The following CILK1 variants were observed in gnomAD, a reference collection of about 807,000 sequenced individuals.
CILK1 encodes ciliogenesis associated kinase 1.
Under a neutral mutation model 79.2 loss-of-function variants are expected in CILK1, and 47 were observed. That is an observed-to-expected ratio of 0.59 (90% CI 0.47 to 0.76). The LOEUF (loss-of-function observed/expected upper bound fraction) is 0.76. CILK1 is among the 30% of genes least tolerant of loss of function. CILK1 has a pLI of 0.00. For missense variants in CILK1, 660 were observed against 769.5 expected (o/e 0.86, Z 1.68); for synonymous variants, 266 against 275.9 (o/e 0.96, Z 0.36).
At position 53,002,541 on chromosome 6, in the gene CILK1, G is replaced by T. The variant is rs1203827390; in HGVS notation, c.*2608C>A. The T allele has an allele frequency of 2.0e-5, 3 of 152,200 alleles. No homozygotes were observed. Among genetic ancestry groups the T allele is most frequent in the South Asian group, 2.1e-4 (1 of 4,834 alleles). 9.4% of individuals were successfully genotyped at this position (152,200 alleles called of 1,614,324 possible). On this transcript the variant is annotated 3_prime_UTR_variant, in exon 14 of 14. Transcript: ENST00000676107. ...TCAGAACAGAAACAGAGAGACAAAA[G>T]AAATGGTTACTATTCCCTTCTATAG...
intron 1 of CILK1, among the ~76,000 whole-genome samples, chr6:53,046,430 A>T (rs1386524982): frequency 2.6e-5 from 4 of 152,234 alleles, no homozygotes; most frequent in African/African-American, 9.6e-5. Context: ...TCACTGGGAA[A>T]GCTATCTGTG....
At position 53,009,488 on chromosome 6, in the gene CILK1, C is replaced by G; in HGVS notation, c.1572G>C (p.Leu524Phe). The G allele has an allele frequency of 6.2e-7, 1 of 1,613,736 alleles. No homozygotes were observed. The highest frequency in any genetic ancestry group is 1.7e-5 in the Admixed American group (1 of 60,028). The change falls in exon 12 of 14, where the codon TTG (leucine) becomes TTC (phenylalanine). Residue 524 changes from leucine to phenylalanine, a missense_variant. Coordinates refer to ENST00000676107, the MANE Select transcript of CILK1 (RefSeq NM_014920.5). ...ACATTGTCCCTGAAGATTTTCCAGA[C>G]AAGCCAGAACTAGACCATGGATTAG... ...IPPNPWSSSGLSGKSSGTMSV... is the reference protein window; with the variant it reads ...IPPNPWSSSGFSGKSSGTMSV...
rs1229704300 is a variant in CILK1 at position 53,002,166 on chromosome 6, T to C, written c.*2983A>G. On this transcript the variant is annotated 3_prime_UTR_variant, in exon 14 of 14. Coordinates refer to ENST00000676107, the MANE Select transcript of CILK1 (RefSeq NM_014920.5). ...GGCTGGGTGAGGGCTTGGTAATTAA[T>C]GGAATTTTTTTGTAAAATGAACAAT... 3 of 152,224 alleles carry C rather than the reference T, an allele frequency of 2.0e-5. No homozygotes were observed. Among genetic ancestry groups the C allele is most frequent in the Admixed American group, 2.0e-4 (3 of 15,280 alleles). The allele number at this position is 152,224 out of a possible 1,614,324, so 9.4% of individuals were successfully genotyped here.
In CILK1 at chr6:53,004,922, C is replaced by A; in HGVS notation, c.*227G>T. The A allele has an allele frequency of 2.2e-6, 1 of 455,190 alleles. No individual in the cohort carries two copies. The highest frequency in any genetic ancestry group is 3.9e-6 in the Non-Finnish European group (1 of 257,222). 28.2% of individuals were successfully genotyped at this position (455,190 alleles called of 1,614,324 possible). ...TGTTGTTTAAGAAAATAATGGGACC[C>A]AGTTTTAGAATAAAATAATTTTATA... On this transcript the variant is annotated 3_prime_UTR_variant, in exon 14 of 14. Coordinates refer to ENST00000676107, the MANE Select transcript of CILK1 (RefSeq NM_014920.5).
intron 6 of CILK1, among the ~76,000 whole-genome samples, chr6:53,018,753 G>C (rs1765042510): frequency 6.6e-6 from 1 of 152,108 alleles, no homozygotes; most frequent in Admixed American, 6.5e-5. Flanking sequence ...GAGAAACACA[G>C]AGAAAGTAAG....
Position 53,041,412 on chromosome 6 carries a change from C to A in CILK1, c.-172-4G>T. ...TTTCCAAAAATCAGTCTTCTGCCTG[C>A]AGAGAAAAATGAGAGACAAGGATAA... On this transcript the variant is annotated splice_region_variant and splice_polypyrimidine_tract_variant and intron_variant, in intron 1 of 13. Transcript: ENST00000676107. 1.6e-6 allele frequency: 1 copy of A among 608,520 alleles called. No individual in the cohort carries two copies. The highest frequency in any genetic ancestry group is 3.0e-6 in the Non-Finnish European group (1 of 336,224). 37.7% of individuals were successfully genotyped at this position (608,520 alleles called of 1,614,324 possible). A position where few individuals can be genotyped will look rare whatever the true frequency, so the allele number is the denominator to read the frequency against.
chr6:53,006,086 A>T (rs929547354), intron 13 of CILK1, among the ~76,000 whole-genome samples: 6 of 152,080 alleles, frequency 3.9e-5, no homozygotes, highest in Non-Finnish European at 8.8e-5. Flanking sequence ...CCCACACTCC[A>T]ACCCCCACAA....
intron 2 of CILK1, among the ~76,000 whole-genome samples, chr6:53,040,917 C>T (rs1400981037): frequency 6.6e-6 from 1 of 152,162 alleles, no homozygotes; most frequent in Non-Finnish European, 1.5e-5. Context: ...ACTTTGATAA[C>T]AAGTACTTTT....
At chr6:53,042,971 T>A (rs1766812440) in intron 1 of CILK1, among the ~76,000 whole-genome samples, 1 of 152,198 alleles carries the variant, frequency 6.6e-6, no homozygotes, top group Admixed American at 6.5e-5. Flanking sequence ...CTAGGAACTC[T>A]GTACTATTTT....
chr6:53,009,087 G>A (rs2127403709), intron 12 of CILK1, among the ~76,000 whole-genome samples: 1 of 152,364 alleles, frequency 6.6e-6, no homozygotes, highest in South Asian at 2.1e-4. Flanking sequence ...GAACAAGGCA[G>A]ACACAGCCAA....
At chr6:53,018,960 A>C (rs888393545) in intron 6 of CILK1, among the ~76,000 whole-genome samples, 6 of 152,180 alleles carry the variant, frequency 3.9e-5, no homozygotes, top group Admixed American at 1.3e-4. Context: ...TATTTTACAT[A>C]ATTCTTTTGT....
In CILK1 at chr6:53,016,191, A is replaced by G. The variant is rs200984554; in HGVS notation, c.723T>C (p.Cys241=). The change falls in exon 8 of 14, where the codon TGT becomes TGC. Residue 241 remains cysteine (C), a synonymous_variant. Transcript: ENST00000676107. The part of the protein sequence containing the change: ...SSAMNFRWPQ[C]VPNNLKTLIP... ...TCAAGGTCTTTAAGTTATTGGGTAC[A>G]CACTGTGGCCAACGGAAGTTCATTG... The G allele has an allele frequency of 1.5e-5, 25 of 1,614,036 alleles. No homozygotes were observed. Among genetic ancestry groups the G allele is most frequent in the Non-Finnish European group, 5.1e-6 (6 of 1,179,964 alleles).
intron 5 of CILK1, among the ~76,000 whole-genome samples, chr6:53,025,645 G>A (rs530144537): frequency 6.6e-6 from 1 of 152,252 alleles, no homozygotes; most frequent in South Asian, 2.1e-4. Context: ...AAACAAGCAA[G>A]GGAAAATGGC....
At chr6:53,054,455 C>G (rs9474374) in intron 1 of CILK1, 7 of 152,264 alleles carry the variant, frequency 4.6e-5, no homozygotes, top group Non-Finnish European at 1.0e-4. Flanking sequence ...ACCACCTTGG[C>G]TAAGTACCTC....
At chr6:53,043,283 G>A (rs1446314901) in intron 1 of CILK1, among the ~76,000 whole-genome samples, 1 of 151,748 alleles carries the variant, frequency 6.6e-6, no homozygotes, top group African/African-American at 2.4e-5. Context: ...GCCACTGCAC[G>A]CCAGCCTGGG....
intron 9 of CILK1, 91 bp from the exon 10 acceptor site, chr6:53,012,318 C>A: frequency 8.4e-7 from 1 of 1,187,758 alleles, no homozygotes. Flanking sequence ...CTCTGCTATG[C>A]AAAGGAGGCT....
rs1233748340 is a variant in CILK1 at position 53,061,769 on chromosome 6, G to C, written c.-346C>G. ...CGGCGAGTCGCACGGGCCGCACGGC[G>C]CATGGTAGTGCAGCAGGAACCCGGC... On this transcript the variant is annotated 5_prime_UTR_variant, in exon 1 of 14. Coordinates refer to ENST00000676107, the MANE Select transcript of CILK1 (RefSeq NM_014920.5). 2.0e-5 allele frequency: 3 copies of C among 152,336 alleles called. No individual in the cohort carries two copies. The highest frequency in any genetic ancestry group is 4.8e-5 in the African/African-American group (2 of 41,478). The allele number at this position is 152,336 out of a possible 1,614,324, so 9.4% of individuals were successfully genotyped here. A position where few individuals can be genotyped will look rare whatever the true frequency, so the allele number is the denominator to read the frequency against.
In CILK1 at chr6:53,004,851, G is replaced by A. The variant is rs751015182; in HGVS notation, c.*298C>T. Reference sequence around the variant, plus strand: ...TAATTTTTAAAAAGTTCATTACAAAGTTGACTGTATAAAATGCTAAAACAT... The same window carrying A: ...TAATTTTTAAAAAGTTCATTACAAAATTGACTGTATAAAATGCTAAAACAT... On this transcript the variant is annotated 3_prime_UTR_variant, in exon 14 of 14. Coordinates refer to ENST00000676107, the MANE Select transcript of CILK1 (RefSeq NM_014920.5). 4 of 255,062 alleles carry A rather than the reference G, an allele frequency of 1.6e-5. No individual in the cohort carries two copies. The highest frequency in any genetic ancestry group is 3.0e-5 in the Non-Finnish European group (4 of 132,320). The allele number at this position is 255,062 out of a possible 1,614,324, so 15.8% of individuals were successfully genotyped here.
intron 12 of CILK1, among the ~76,000 whole-genome samples, chr6:53,007,692 G>A (rs2127401231): frequency 6.6e-6 from 1 of 151,974 alleles, no homozygotes; most frequent in South Asian, 2.1e-4. Context: ...CACAATGGGA[G>A]ACCCAGGCGG....
Sources: allele counts gnomAD v4.1 joint callset (sites outside exome capture counted in the v4.1 genomes callset), GRCh38; gene constraint gnomAD v4.1.1; transcripts MANE v1.5; gene names NCBI Gene and HGNC (gene_info 2026-07-23, HGNC 2026-07-21).